Variants in LRRC39 observed in about 807,000 individuals in gnomAD.
The protein encoded by LRRC39 is leucine rich repeat containing 39, also known as leucine-rich repeat-containing protein 39.
In LRRC39, 35 loss-of-function variants were observed where a neutral mutation model predicts 39.7. The observed-to-expected ratio is 0.88, with a 90% confidence interval of 0.67 to 1.17. LRRC39 has a LOEUF of 1.17. Ranked by LOEUF, LRRC39 falls within the 50% of genes most tolerant of loss-of-function variation. LRRC39 has a pLI of 0.00. For synonymous variants in LRRC39, 113 were observed against 134.1 expected, an observed-to-expected ratio of 0.84 and a Z score of 1.09; for missense variants, 357 against 385.8, an observed-to-expected ratio of 0.93 and a Z score of 0.62.
rs1658695075 is a variant in LRRC39, at chr1:100,159,260, A to T, written c.375T>A (p.Ile125=). 1 of 1,588,732 alleles carries T rather than the reference A, an allele frequency of 6.3e-7. No individual in the cohort carries two copies. The highest frequency in any genetic ancestry group is 8.6e-7 in the Non-Finnish European group (1 of 1,169,378). The change falls in exon 5 of 10, where the codon ATT becomes ATA. Residue 125 remains isoleucine, a splice_region_variant and synonymous_variant. Coordinates refer to ENST00000370137, the MANE Select transcript of LRRC39 (RefSeq NM_144620.4). ...RNTISEIPPG[I]GLLTRLQELI... is the part of the protein sequence containing the mutation. ...AGGAATAAAAGTAATCTTTCTTACC[A>T]ATCCCTGGTGGTATCTCTGAAATTG... is the stretch of plus-strand genomic sequence containing the variant.
chr1:100,148,862 AATT>A lies in LRRC39; in HGVS notation c.*177_*179del, dbSNP rs1449598475. On this transcript the variant is annotated 3_prime_UTR_variant, in exon 10 of 10. Coordinates refer to ENST00000370137, the MANE Select transcript of LRRC39 (RefSeq NM_144620.4). ...GCATCATCTGTCTTCCACCAAAAAA[AATT>A]TTTTAATTATATTTTTATATCAAAA... 2.4e-6 allele frequency: 3 copies of A among 1,264,324 alleles called. No homozygotes were observed. Among genetic ancestry groups the A allele is most frequent in the Non-Finnish European group, 3.1e-6 (3 of 978,000 alleles). The allele number at this position is 1,264,324 out of a possible 1,614,324, so 78.3% of individuals were successfully genotyped here.
chr1:100,148,554 G>C lies in LRRC39; in HGVS notation c.*488C>G. The C allele has an allele frequency of 7.2e-7, 1 of 1,398,362 alleles. No homozygotes were observed. The highest frequency in any genetic ancestry group is 9.9e-7 in the Non-Finnish European group (1 of 1,012,504). 86.6% of individuals were successfully genotyped at this position (1,398,362 alleles called of 1,614,324 possible). A position where few individuals can be genotyped will look rare whatever the true frequency, so the allele number is the denominator to read the frequency against. On this transcript the variant is annotated 3_prime_UTR_variant, in exon 10 of 10. Transcript: ENST00000370137. ...TTAGTTAACAGTCTCTCAATAAATA[G>C]TGACAAAAATAATTTTTTATAAACT...
At chr1:100,172,934 T>C (rs1356517468) in intron 2 of LRRC39, among the ~76,000 whole-genome samples, 5 of 144,204 alleles carry the variant, frequency 3.5e-5, no homozygotes, top group Non-Finnish European at 6.0e-5. Context: ...CACTCCATCC[T>C]GGGTGACAGA....
rs139755253 is a variant in LRRC39 at position 100,160,407 on chromosome 1, C to G, written c.219+59G>C. On this transcript the variant is annotated intron_variant, in intron 4 of 9. Transcript: ENST00000370137. Reference sequence around the variant, plus strand: ...TTAATTACACAGTCTCAGAATCATTCTCTCAACTGACTCACAAAATGCAAA... The same window carrying G: ...TTAATTACACAGTCTCAGAATCATTGTCTCAACTGACTCACAAAATGCAAA... 5.2e-4 allele frequency: 676 copies of G among 1,309,786 alleles called. 4 individuals carry two copies. The African/African-American group carries it at 8.6e-3, about 17-fold the overall frequency. The allele number at this position is 1,309,786 out of a possible 1,614,324, so 81.1% of individuals were successfully genotyped here.
At chr1:100,167,673 G>T (rs1659337777) in intron 3 of LRRC39, among the ~76,000 whole-genome samples, 1 of 151,862 alleles carries the variant, frequency 6.6e-6, no homozygotes. Context: ...TACTTGGAAG[G>T]CTGAGGCAGG....
At chr1:100,160,987 CAGACA>C (rs1306794976) in intron 3 of LRRC39, among the ~76,000 whole-genome samples, 4 of 152,010 alleles carry the variant, frequency 2.6e-5, no homozygotes, top group Non-Finnish European at 2.9e-5. Flanking sequence ...ACCTGGAAAT[CAGACA>C]ATAACTTATT....
chr1:100,151,812 C>T (rs374703603), intron 9 of LRRC39, among the ~76,000 whole-genome samples: 2 of 152,212 alleles, frequency 1.3e-5, no homozygotes, highest in African/African-American at 4.8e-5. Flanking sequence ...TGGTGGCATG[C>T]ACTGATAGCC....
chr1:100,176,658 T>A (rs1339939657), intron 1 of LRRC39, among the ~76,000 whole-genome samples: 1 of 152,172 alleles, frequency 6.6e-6, no homozygotes, highest in African/African-American at 2.4e-5. Flanking sequence ...TTTTTAGCAT[T>A]TATTGAAGTG....
chr1:100,157,501 C>T (rs1239672866), intron 6 of LRRC39, among the ~76,000 whole-genome samples: 1 of 152,124 alleles, frequency 6.6e-6, no homozygotes, highest in African/African-American at 2.4e-5. Flanking sequence ...CAGACTAATA[C>T]ACAAGGGTAT....
chr1:100,160,836 G>C (rs1483894337), intron 3 of LRRC39, among the ~76,000 whole-genome samples: 1 of 151,990 alleles, frequency 6.6e-6, no homozygotes, highest in Admixed American at 6.6e-5. Flanking sequence ...GTGTTGGCCA[G>C]GCTGGTCTCG....
At chr1:100,175,509 C>A (rs1659896162) in intron 1 of LRRC39, among the ~76,000 whole-genome samples, 1 of 151,926 alleles carries the variant, frequency 6.6e-6, no homozygotes, top group Non-Finnish European at 1.5e-5. Context: ...TATAGCAATG[C>A]AAGAACAGCC....
At chr1:100,155,707 C>T (rs1364129687) in intron 7 of LRRC39, among the ~76,000 whole-genome samples, 1 of 152,126 alleles carries the variant, frequency 6.6e-6, no homozygotes, top group Non-Finnish European at 1.5e-5. Flanking sequence ...ATGCATAATG[C>T]GTAACATCAT....
chr1:100,160,208 G>C (rs1230430882), intron 4 of LRRC39, among the ~76,000 whole-genome samples: 2 of 152,172 alleles, frequency 1.3e-5, no homozygotes, highest in African/African-American at 4.8e-5. Context: ...GGAAATGAGA[G>C]GTTGCTATAA....
chr1:100,168,333 A>T (rs992561833), intron 3 of LRRC39, 71 bp downstream of exon 3: 8 of 1,108,360 alleles, frequency 7.2e-6, no homozygotes, highest in Middle Eastern at 2.4e-4. Context: ...AGGCATTTAG[A>T]ATGCTCTTTT....
chr1:100,168,325 G>A (rs1188279828), intron 3 of LRRC39, 79 bp downstream of exon 3: 1 of 978,582 alleles, frequency 1.0e-6, no homozygotes, highest in Non-Finnish European at 1.5e-6. Flanking sequence ...CAATAACAAG[G>A]CATTTAGAAT....
chr1:100,158,267 C>T lies in LRRC39; in HGVS notation c.477G>A (p.Leu159=), dbSNP rs137861024. 1.9e-4 allele frequency: 303 copies of T among 1,613,984 alleles called. 1 individual carries two copies. The African/African-American group carries it at 3.6e-3, about 19-fold the overall frequency. ...SNCASLEKLE[L]AVNRDICDLP... The stretch of plus-strand genomic sequence containing the variant: ...GATCACATATATCTCTGTTAACAGC[C>T]AGTTCTAGTTTCTCCAAGCTGGCAC... The change falls in exon 6 of 10, where the codon CTG becomes CTA. Residue 159 remains leucine, a synonymous_variant. Transcript: ENST00000370137.
intron 9 of LRRC39, among the ~76,000 whole-genome samples, chr1:100,151,303 CA>C (rs2101759892): frequency 6.6e-6 from 1 of 152,236 alleles, no homozygotes; most frequent in Admixed American, 6.5e-5. Flanking sequence ...TTCTCATCTT[CA>C]TTCAATTACC....
intron 2 of LRRC39, among the ~76,000 whole-genome samples, chr1:100,171,094 A>G (rs975536961): frequency 3.9e-5 from 6 of 152,244 alleles, no homozygotes; most frequent in African/African-American, 1.4e-4. Context: ...TTCCAAATAT[A>G]CAAAGGAAAA....
intron 2 of LRRC39, among the ~76,000 whole-genome samples, chr1:100,172,713 C>A (rs1447258904): frequency 2.6e-5 from 4 of 152,042 alleles, no homozygotes; most frequent in Admixed American, 2.0e-4. Context: ...GTAGTCCCAG[C>A]ACTTTGGGAG....
Sources: gnomAD v4.1 joint callset for allele counts (sites outside exome capture counted in the v4.1 genomes callset) on GRCh38, gnomAD v4.1.1 for gene constraint, MANE v1.5 for transcripts, NCBI Gene and HGNC (gene_info 2026-07-23, HGNC 2026-07-21) for gene names.